Variants in SLC35F3 observed in about 807,000 individuals in gnomAD.
The protein encoded by SLC35F3 is solute carrier family 35 member F3, also known as putative thiamine transporter SLC35F3.
In SLC35F3, 25 loss-of-function variants were observed where a neutral mutation model predicts 49.9. That is an observed-to-expected ratio of 0.50 (90% CI 0.37 to 0.70). The LOEUF is 0.70. Ranked by LOEUF, SLC35F3 falls within the 30% of genes least tolerant of loss-of-function variation. The pLI is 0.00. For missense variants in SLC35F3, 525 were observed against 639.8 expected (o/e 0.82, Z 1.94); for synonymous variants, 275 against 265.4 (o/e 1.04, Z -0.35).
intron 3 of SLC35F3, among the ~76,000 whole-genome samples, chr1:234,297,183 A>G (rs934476151): frequency 6.6e-6 from 1 of 152,240 alleles, no homozygotes; most frequent in African/African-American, 2.4e-5. Context: ...AGAAAAGGGA[A>G]CCCTTGTACA....
intron 2 of SLC35F3, among the ~76,000 whole-genome samples, chr1:234,166,477 A>G (rs1415785955): frequency 2.0e-5 from 3 of 152,164 alleles, no homozygotes; most frequent in Admixed American, 6.5e-5. Flanking sequence ...CATCTCCACT[A>G]TCACCTCTCA....
chr1:234,101,937 C>T (rs1292213379), intron 2 of SLC35F3, among the ~76,000 whole-genome samples: 1 of 152,218 alleles, frequency 6.6e-6, no homozygotes, highest in Admixed American at 6.5e-5. Context: ...GCCTCCGATT[C>T]AAGAAGCCGG....
intron 2 of SLC35F3, among the ~76,000 whole-genome samples, chr1:233,975,986 G>A (rs948639221): frequency 6.6e-6 from 1 of 152,122 alleles, no homozygotes; most frequent in African/African-American, 2.4e-5. Flanking sequence ...ATGAGAAAGA[G>A]GAAGAAATAA....
intron 2 of SLC35F3, among the ~76,000 whole-genome samples, chr1:234,207,814 C>A (rs1378596295): frequency 6.6e-6 from 1 of 151,964 alleles, no homozygotes; most frequent in Non-Finnish European, 1.5e-5. Context: ...CAAGCCTGGG[C>A]AACATAGTAA....
intron 3 of SLC35F3, among the ~76,000 whole-genome samples, chr1:234,261,202 G>A (rs1397190468): frequency 2.6e-5 from 4 of 152,060 alleles, no homozygotes; most frequent in African/African-American, 4.8e-5. Flanking sequence ...AAGAATTAGA[G>A]GTGAGTTTAC....
intron 2 of SLC35F3, among the ~76,000 whole-genome samples, chr1:234,146,977 T>A: frequency 6.6e-6 from 1 of 152,180 alleles, no homozygotes; most frequent in Non-Finnish European, 1.5e-5. Flanking sequence ...AGTATAAAAT[T>A]ATAGGTTCAA....
chr1:234,109,005 C>T (rs1255897999), intron 2 of SLC35F3, among the ~76,000 whole-genome samples: 3 of 151,774 alleles, frequency 2.0e-5, no homozygotes, highest in Non-Finnish European at 4.4e-5. Flanking sequence ...AAATGCCTGC[C>T]ACCAATCTCA....
chr1:234,208,922 C>T (rs900016957), intron 2 of SLC35F3, among the ~76,000 whole-genome samples: 1 of 152,198 alleles, frequency 6.6e-6, no homozygotes, highest in Non-Finnish European at 1.5e-5. Context: ...GACACCATCA[C>T]ACATCGCTGA....
chr1:233,954,401 CCATGCAGGAGT>C, intron 2 of SLC35F3, among the ~76,000 whole-genome samples: 1 of 152,198 alleles, frequency 6.6e-6, no homozygotes. Context: ...ATGCCCTGCA[CCATGCAGGAGT>C]TAGGCCAGGG....
intron 7 of SLC35F3, among the ~76,000 whole-genome samples, chr1:234,322,655 G>C (rs1657649481): frequency 3.3e-5 from 2 of 61,510 alleles, no homozygotes; most frequent in Non-Finnish European, 6.2e-5. Flanking sequence ...AAATGCGTGT[G>C]TGTGTGTGTG....
At chr1:234,243,966 T>C (rs1431825951) in intron 3 of SLC35F3, among the ~76,000 whole-genome samples, 1 of 152,222 alleles carries the variant, frequency 6.6e-6, no homozygotes, top group East Asian at 1.9e-4. Flanking sequence ...CTTCAAGGGA[T>C]TGCATAGCTG....
intron 2 of SLC35F3, among the ~76,000 whole-genome samples, chr1:233,975,561 G>A (rs760425213): frequency 2.0e-5 from 3 of 152,206 alleles, no homozygotes; most frequent in Admixed American, 6.5e-5. Context: ...CAGAGGGGCC[G>A]TCCTTGCCGA....
chr1:233,999,877 T>C (rs1319199257), intron 2 of SLC35F3, among the ~76,000 whole-genome samples: 33 of 152,216 alleles, frequency 2.2e-4, no homozygotes, highest in Non-Finnish European at 8.8e-5. Flanking sequence ...ACACAGAAGA[T>C]GATAAAGATT....
intron 3 of SLC35F3, among the ~76,000 whole-genome samples, chr1:234,275,166 C>T (rs77388287): frequency 0.06 from 9,198 of 152,224 alleles, 333 homozygotes; most frequent in African/African-American, 0.099. Flanking sequence ...ACAGTCAAAA[C>T]GTAGTCAAAG....
At chr1:233,922,315 C>G (rs1236819505) in intron 2 of SLC35F3, among the ~76,000 whole-genome samples, 3 of 152,058 alleles carry the variant, frequency 2.0e-5, no homozygotes, top group Non-Finnish European at 4.4e-5. Context: ...TGTTTCCTGA[C>G]TTTTTAATGA....
chr1:234,293,726 G>A (rs1197118162), intron 3 of SLC35F3, among the ~76,000 whole-genome samples: 2 of 152,198 alleles, frequency 1.3e-5, no homozygotes, highest in Admixed American at 1.3e-4. Flanking sequence ...CAGTCTCCTG[G>A]GGCTGGCCTT....
rs58927403 is a variant in SLC35F3 at position 234,212,391 on chromosome 1, C to T, written c.284-19026C>T. Reference sequence around the variant, plus strand: ...ATCAAAACCACATTCAAACTTGACACGTATCTCTCAGCTGACTTGGAATAG... The same window carrying T: ...ATCAAAACCACATTCAAACTTGACATGTATCTCTCAGCTGACTTGGAATAG... On this transcript the variant is annotated intron_variant, in intron 2 of 7. Coordinates refer to ENST00000366618, the MANE Select transcript of SLC35F3 (RefSeq NM_173508.4). 3.8e-3 allele frequency among the ~76,000 whole-genome samples: 578 copies of T among 152,324 alleles called. 7 individuals carry two copies. The highest frequency in any genetic ancestry group is 0.013 in the African/African-American group (543 of 41,568).
At chr1:234,317,031 A>G (rs371580411) in intron 5 of SLC35F3, among the ~76,000 whole-genome samples, 1 of 152,180 alleles carries the variant, frequency 6.6e-6, no homozygotes, top group African/African-American at 2.4e-5. Flanking sequence ...TCCTGACATC[A>G]TTGATGGCAG....
At chr1:234,311,666 C>T (rs571708387) in intron 4 of SLC35F3, among the ~76,000 whole-genome samples, 3 of 152,194 alleles carry the variant, frequency 2.0e-5, no homozygotes, top group African/African-American at 4.8e-5. Context: ...TTCCTGGCCA[C>T]GTATGGTATG....
Sources: gnomAD v4.1 joint callset for allele counts (sites outside exome capture counted in the v4.1 genomes callset) on GRCh38, gnomAD v4.1.1 for gene constraint, MANE v1.5 for transcripts, NCBI Gene and HGNC (gene_info 2026-07-23, HGNC 2026-07-21) for gene names.